The following NMNAT3 variants were observed in gnomAD, a reference collection of about 807,000 sequenced individuals.
The protein encoded by NMNAT3 is nicotinamide nucleotide adenylyltransferase 3.
NMNAT3 carries 21 observed loss-of-function variants against 24.8 expected under a neutral mutation model. The observed-to-expected ratio is 0.85, with a 90% CI of 0.60 to 1.22. The LOEUF (loss-of-function observed/expected upper bound fraction) is 1.22. Among genes scored for constraint, NMNAT3 ranks in the 50% most tolerant of loss-of-function variants. NMNAT3 has a pLI of 0.00. For synonymous variants in NMNAT3, 136 were observed against 155.2 expected (o/e 0.88, Z 0.92); for missense variants, 387 against 436.6 (o/e 0.89, Z 1.01).
At chr3:139,567,102 G>A (rs1301406964) in intron 6 of NMNAT3, 19 of 152,022 alleles carry the variant, frequency 1.2e-4, no homozygotes, top group Admixed American at 1.2e-3. Flanking sequence ...TGGATTCCTA[G>A]GTATTTTATT....
chr3:139,663,555 T>C (rs2057485831), intron 1 of NMNAT3, among the ~76,000 whole-genome samples: 1 of 152,220 alleles, frequency 6.6e-6, no homozygotes, highest in South Asian at 2.1e-4. Flanking sequence ...ATCTCAAACC[T>C]AGCTCTGCTC....
At chr3:139,596,537 C>T (rs971913124) in intron 3 of NMNAT3, among the ~76,000 whole-genome samples, 7 of 152,110 alleles carry the variant, frequency 4.6e-5, no homozygotes, top group Admixed American at 3.3e-4. Flanking sequence ...TATATAGAGT[C>T]ATGTTCCATT....
chr3:139,594,927 C>T lies in NMNAT3; in HGVS notation c.110-11719G>A, dbSNP rs567411533. On this transcript the variant is annotated intron_variant, in intron 3 of 6. Transcript: ENST00000643695. ...AAGACAGGGATGCCCTCTCTCACCA[C>T]TCCTATTCAACATAGTGTTGGAAGT... 2.6e-5 allele frequency among the ~76,000 whole-genome samples: 4 copies of T among 152,316 alleles called. No homozygotes were observed. In the South Asian group the frequency reaches 8.3e-4, roughly 32 times the overall value.
intron 5 of NMNAT3, among the ~76,000 whole-genome samples, chr3:139,575,008 T>C (rs914813458): frequency 6.6e-6 from 1 of 152,174 alleles, no homozygotes; most frequent in Non-Finnish European, 1.5e-5. Context: ...GTGTGAGGAT[T>C]AATTGAAACG....
rs1462363809 is a variant in NMNAT3 at position 139,573,581 on chromosome 3, A to G, written c.658+17T>C. 3 of 1,502,748 alleles carry G rather than the reference A, an allele frequency of 2.0e-6. No individual in the cohort carries two copies. Among genetic ancestry groups the G allele is most frequent in the East Asian group, 4.6e-5 (2 of 43,362 alleles). 93.1% of individuals were successfully genotyped at this position (1,502,748 alleles called of 1,614,324 possible). ...CTGACATCTCATTCTCCTACAGACAAGAGGATCAGCACCCACCTGCAGGGG... is the reference window on the plus strand; with the variant it reads ...CTGACATCTCATTCTCCTACAGACAGGAGGATCAGCACCCACCTGCAGGGG... On this transcript the variant is annotated intron_variant, in intron 6 of 6. Coordinates refer to ENST00000643695, the MANE Select transcript of NMNAT3 (RefSeq NM_001320510.2).
At chr3:139,612,337 T>C (rs2055264429) in intron 3 of NMNAT3, among the ~76,000 whole-genome samples, 1 of 152,122 alleles carries the variant, frequency 6.6e-6, no homozygotes, top group South Asian at 2.1e-4. Flanking sequence ...GAATAAGTCA[T>C]TTTCCTACTC....
At chr3:139,594,125 G>A (rs1383329446) in intron 3 of NMNAT3, among the ~76,000 whole-genome samples, 1 of 151,886 alleles carries the variant, frequency 6.6e-6, no homozygotes, top group African/African-American at 2.4e-5. Context: ...AATGATAAAG[G>A]GGATATCACC....
At chr3:139,665,482 A>T (rs2057547006) in intron 1 of NMNAT3, among the ~76,000 whole-genome samples, 3 of 152,164 alleles carry the variant, frequency 2.0e-5, no homozygotes, top group Admixed American at 2.0e-4. Flanking sequence ...GGTCTGATGA[A>T]AGGAGACATG....
intron 3 of NMNAT3, among the ~76,000 whole-genome samples, chr3:139,607,079 C>T (rs1380170900): frequency 6.6e-6 from 1 of 152,012 alleles, no homozygotes; most frequent in Non-Finnish European, 1.5e-5. Flanking sequence ...TAGCTGTACT[C>T]ATTGCTACTG....
intron 1 of NMNAT3, among the ~76,000 whole-genome samples, chr3:139,662,509 G>A (rs2057448247): frequency 6.6e-6 from 1 of 152,166 alleles, no homozygotes; most frequent in African/African-American, 2.4e-5. Context: ...AGGCCATGAG[G>A]GTAGGCAGTA....
rs1559919350 is a variant in NMNAT3 at position 139,621,277 on chromosome 3, T to C, written c.109+6339A>G. On this transcript the variant is annotated intron_variant, in intron 3 of 6. Transcript: ENST00000643695. ...ATCTTCATCTGCATTTCCCTAATGC[T>C]ATTGAGCATCTTTCCATATACTAAT... is the stretch of plus-strand genomic sequence containing the variant. 2.0e-5 allele frequency among the ~76,000 whole-genome samples: 3 copies of C among 152,268 alleles called. No homozygotes were observed. The South Asian group carries it at 6.2e-4, about 31-fold the overall frequency.
chr3:139,650,112 C>T (rs760869293), intron 1 of NMNAT3, among the ~76,000 whole-genome samples: 5 of 152,166 alleles, frequency 3.3e-5, no homozygotes, highest in Non-Finnish European at 5.9e-5. Flanking sequence ...CAGGTCTCTA[C>T]AAATACTTCT....
At chr3:139,628,464 C>T (rs927166702) in intron 2 of NMNAT3, among the ~76,000 whole-genome samples, 3 of 152,184 alleles carry the variant, frequency 2.0e-5, no homozygotes, top group Non-Finnish European at 4.4e-5. Context: ...CACTTTGTTA[C>T]ATAACTGCAG....
chr3:139,658,530 G>C (rs1300285360), intron 1 of NMNAT3, among the ~76,000 whole-genome samples: 1 of 152,236 alleles, frequency 6.6e-6, no homozygotes, highest in Non-Finnish European at 1.5e-5. Flanking sequence ...TATTGTGAAA[G>C]ATTTTCAAAC....
intron 3 of NMNAT3, among the ~76,000 whole-genome samples, chr3:139,605,286 A>G (rs1410849036): frequency 1.3e-5 from 2 of 151,970 alleles, no homozygotes; most frequent in East Asian, 3.9e-4. Context: ...CCTATTGTTA[A>G]CTCTTTCAAT....
chr3:139,615,794 T>C (rs2055472427), intron 3 of NMNAT3, among the ~76,000 whole-genome samples: 2 of 152,214 alleles, frequency 1.3e-5, no homozygotes, highest in African/African-American at 4.8e-5. Flanking sequence ...TATTTTGTTT[T>C]CCATATTTTG....
chr3:139,658,821 C>G (rs1348848629), intron 1 of NMNAT3, among the ~76,000 whole-genome samples: 1 of 152,076 alleles, frequency 6.6e-6, no homozygotes, highest in African/African-American at 2.4e-5. Flanking sequence ...TTGAGGGCAT[C>G]ATGTAATAAA....
intron 6 of NMNAT3, chr3:139,565,868 G>T (rs985278835): frequency 6.6e-6 from 1 of 152,118 alleles, no homozygotes; most frequent in African/African-American, 2.4e-5. Flanking sequence ...AATCCTTTGG[G>T]TATATACCCA....
At chr3:139,627,554 G>A in intron 3 of NMNAT3, 62 bp downstream of exon 4, 1 of 895,084 alleles carries the variant, frequency 1.1e-6, no homozygotes, top group South Asian at 1.7e-5. Context: ...CCAGCAGCCA[G>A]AAAAGCCCCA....
Sources: allele counts gnomAD v4.1 joint callset (sites outside exome capture counted in the v4.1 genomes callset), GRCh38; gene constraint gnomAD v4.1.1; transcripts MANE v1.5; gene names NCBI Gene and HGNC (gene_info 2026-07-23, HGNC 2026-07-21).